The following MEGF11 variants were observed in gnomAD, a reference collection of about 807,000 sequenced individuals.
MEGF11 encodes multiple epidermal growth factor-like domains protein 11.
In MEGF11, 126 loss-of-function variants were observed where a neutral mutation model predicts 146.6. The observed-to-expected ratio is 0.86, with a 90% CI of 0.74 to 1.00. The LOEUF (loss-of-function observed/expected upper bound fraction) is 1.00, where lower values mean the gene tolerates loss of function less well. MEGF11 is among the 50% of genes least tolerant of loss of function. MEGF11 has a pLI of 0.00. For missense variants in MEGF11, 1,509 were observed against 1,521.2 expected, an observed-to-expected ratio of 0.99 and a Z score of 0.13; for synonymous variants, 532 against 583.4, an observed-to-expected ratio of 0.91 and a Z score of 1.27.
At chr15:66,190,648 C>T (rs1237299464) in intron 1 of MEGF11, among the ~76,000 whole-genome samples, 2 of 152,108 alleles carry the variant, frequency 1.3e-5, no homozygotes, top group Admixed American at 6.5e-5. Flanking sequence ...CCTTGCCCAC[C>T]TGAGACCTCC....
chr15:66,161,139 G>A (rs2089939926), intron 1 of MEGF11, among the ~76,000 whole-genome samples: 1 of 152,174 alleles, frequency 6.6e-6, no homozygotes, highest in Non-Finnish European at 1.5e-5. Context: ...AAGCTCACAA[G>A]ATCCTTGAAT....
chr15:66,050,291 A>ATT (rs77555548), intron 5 of MEGF11, among the ~76,000 whole-genome samples: 149,126 of 152,290 alleles, frequency 0.98, 73,098 homozygotes, highest in Middle Eastern at 1. Context: ...TACGTGGAAT[A>ATT]GACTGTCCAA....
At chr15:65,917,104 C>A (rs1237458583) in intron 16 of MEGF11, 148 bp from the exon 17 acceptor site, 3 of 847,820 alleles carry the variant, frequency 3.5e-6, no homozygotes, top group Non-Finnish European at 5.2e-6. Flanking sequence ...ATGCACTGTT[C>A]CCAGAATTCC....
At chr15:66,152,407 G>A (rs568334783) in intron 1 of MEGF11, among the ~76,000 whole-genome samples, 7 of 152,228 alleles carry the variant, frequency 4.6e-5, no homozygotes, top group Non-Finnish European at 7.4e-5. Context: ...TCACTGATTC[G>A]GGACTTTGCG....
chr15:66,193,394 G>A (rs1378742037), intron 1 of MEGF11, among the ~76,000 whole-genome samples: 1 of 152,222 alleles, frequency 6.6e-6, no homozygotes, highest in African/African-American at 2.4e-5. Context: ...CAGACGCTGT[G>A]TTAAGCACAA....
chr15:66,105,816 G>A (rs2087045449), intron 4 of MEGF11, among the ~76,000 whole-genome samples: 1 of 152,194 alleles, frequency 6.6e-6, no homozygotes, highest in Non-Finnish European at 1.5e-5. Context: ...TCCGCAGTTT[G>A]TTTGGTGGAT....
chr15:65,922,519 C>T (rs575861670), intron 14 of MEGF11, 47 bp from the exon 15 acceptor site: 6 of 1,499,160 alleles, frequency 4.0e-6, no homozygotes, highest in Non-Finnish European at 5.3e-6. Context: ...GAGACCCCAG[C>T]CAGCCTAGCT....
chr15:66,043,150 T>C (rs938307835), intron 5 of MEGF11, among the ~76,000 whole-genome samples: 2 of 152,232 alleles, frequency 1.3e-5, no homozygotes, highest in South Asian at 4.1e-4. Context: ...TATTGAGAGC[T>C]CTTCGAGGCT....
chr15:65,953,966 C>T (rs2080490032), intron 10 of MEGF11, among the ~76,000 whole-genome samples: 1 of 152,144 alleles, frequency 6.6e-6, no homozygotes, highest in Non-Finnish European at 1.5e-5. Context: ...TCCCTAAAGA[C>T]CCCGGGCAGG....
chr15:66,234,858 CAGA>C (rs1219556938), intron 1 of MEGF11, among the ~76,000 whole-genome samples: 1 of 122,466 alleles, frequency 8.2e-6, no homozygotes, highest in African/African-American at 3.0e-5. Flanking sequence ...GAAAATTACC[CAGA>C]AGGACACCGA....
At chr15:66,119,787 T>G (rs1276574970) in intron 3 of MEGF11, among the ~76,000 whole-genome samples, 1 of 152,054 alleles carries the variant, frequency 6.6e-6, no homozygotes, top group Non-Finnish European at 1.5e-5. Context: ...AACTGACCCT[T>G]CACCCTGCAA....
At chr15:66,118,990 G>A (rs778277595) in intron 4 of MEGF11, 96 bp downstream of exon 4, 134 of 811,718 alleles carry the variant, frequency 1.7e-4, no homozygotes, top group Non-Finnish European at 2.5e-4. Flanking sequence ...TGCTGCCTAG[G>A]GGCCGTGGAT....
chr15:66,210,538 CAGGCCAAGTATCTTGCAA>C lies in MEGF11; in HGVS notation c.-9+43049_-9+43066del, dbSNP rs973799694. On this transcript the variant is annotated intron_variant, in intron 1 of 25. Coordinates refer to ENST00000395614, the MANE Select transcript of MEGF11 (RefSeq NM_001385028.1). ...ACCACCAACCACCTCCCAACCACCCCAGGCCAAGTATCTTGCAAAGTGAAAGCTCGGCTGTATGAAGGA... is the reference window on the plus strand; with the variant it reads ...ACCACCAACCACCTCCCAACCACCCCAGTGAAAGCTCGGCTGTATGAAGGA... 9.2e-5 allele frequency among the ~76,000 whole-genome samples: 14 copies of C among 152,176 alleles called. No homozygotes were observed. In the East Asian group the frequency reaches 2.3e-3, roughly 25 times the overall value.
intron 3 of MEGF11, among the ~76,000 whole-genome samples, chr15:66,121,708 G>A (rs1415207904): frequency 6.6e-6 from 1 of 152,202 alleles, no homozygotes; most frequent in Non-Finnish European, 1.5e-5. Context: ...CACAAAAAGG[G>A]AGCCCCAACA....
chr15:65,913,796 GC>G lies in MEGF11; in HGVS notation c.2650del (p.Ala884LeufsTer10). Reference protein sequence around the residue: ...RRQKEKGRDLAPRVSYTPAMR... With the variant: ...RRQKEKGRDLXPRVSYTPAMR... ...GGCAGGTGTGTAGGAGACACGGGGA[GC>G]CAGGTCTCGGCCCTTCTCTTTCTGC... On this transcript the variant is annotated frameshift_variant, in exon 20 of 26. Transcript: ENST00000395614. LOFTEE classifies it high-confidence loss of function. 1 of 1,613,816 alleles carries G rather than the reference GC, an allele frequency of 6.2e-7. No homozygotes were observed.
rs190842537 is a variant in MEGF11, at chr15:66,051,578, G to A, written c.394+42824C>T. ...TCCCCCTGCCCATTCCACCAGATGA[G>A]AGCATTCCGCCCAGCCACTTCAGAT... is the stretch of plus-strand genomic sequence containing the variant. On this transcript the variant is annotated intron_variant, in intron 5 of 25. Coordinates refer to ENST00000395614, the MANE Select transcript of MEGF11 (RefSeq NM_001385028.1). Among the ~76,000 whole-genome samples the A allele has an allele frequency of 5.3e-5, 8 of 152,344 alleles. No individual in the cohort carries two copies. In the East Asian group the frequency reaches 1.5e-3, roughly 29 times the overall value.
intron 5 of MEGF11, among the ~76,000 whole-genome samples, chr15:66,074,298 T>C (rs1195058319): frequency 6.6e-6 from 1 of 152,244 alleles, no homozygotes; most frequent in Non-Finnish European, 1.5e-5. Flanking sequence ...CAACTTGCTT[T>C]TTTCACTCAA....
At chr15:65,914,011 T>C in intron 19 of MEGF11, 38 bp from the exon 20 acceptor site, 1 of 1,541,694 alleles carries the variant, frequency 6.5e-7, no homozygotes, top group Non-Finnish European at 8.9e-7. Flanking sequence ...GGGGCTGGCC[T>C]TCTTGCGCTT....
chr15:65,915,634 TCA>T, intron 18 of MEGF11, 36 bp from the exon 19 acceptor site: 1 of 1,606,260 alleles, frequency 6.2e-7, no homozygotes, highest in Non-Finnish European at 8.5e-7. Context: ...GAGGACCCAC[TCA>T]CTCTCCACCC....
Sources: allele counts gnomAD v4.1 joint callset (sites outside exome capture counted in the v4.1 genomes callset), GRCh38; gene constraint gnomAD v4.1.1; transcripts MANE v1.5; gene names NCBI Gene and HGNC (gene_info 2026-07-23, HGNC 2026-07-21).